Variants in B3GALT1 observed in about 807,000 individuals in gnomAD.
The protein encoded by B3GALT1 is beta-1,3-galactosyltransferase 1.
Under a neutral mutation model 23.2 loss-of-function variants are expected in B3GALT1, and 10 were observed. The ratio of observed to expected loss-of-function variants is 0.43; its 90% confidence interval spans 0.27 to 0.73. The LOEUF (loss-of-function observed/expected upper bound fraction) is 0.73. B3GALT1 is among the 30% of genes least tolerant of loss of function. The probability of loss-of-function intolerance (pLI) is 0.21; values close to 1 mark genes in which losing one functional copy is unlikely to be tolerated. For missense variants in B3GALT1, 299 were observed against 405.4 expected (o/e 0.74, Z 2.25); for synonymous variants, 156 against 141.5 (o/e 1.10, Z -0.73).
At chr2:167,321,747 A>C (rs528614714) in intron 1 of B3GALT1, among the ~76,000 whole-genome samples, 1 of 152,124 alleles carries the variant, frequency 6.6e-6, no homozygotes, top group East Asian at 1.9e-4. Context: ...TAACAAAACC[A>C]AAAGTGACTC....
chr2:167,672,588 T>C (rs1686351265), intron 3 of B3GALT1, among the ~76,000 whole-genome samples: 1 of 152,156 alleles, frequency 6.6e-6, no homozygotes, highest in Non-Finnish European at 1.5e-5. Context: ...GCCATGTACT[T>C]GTGCAACTTT....
intron 1 of B3GALT1, among the ~76,000 whole-genome samples, chr2:167,320,997 A>G (rs1241240937): frequency 6.6e-6 from 1 of 152,098 alleles, no homozygotes; most frequent in African/African-American, 2.4e-5. Flanking sequence ...GCAGAAAGGA[A>G]ATCATTCAGA....
intron 3 of B3GALT1, among the ~76,000 whole-genome samples, chr2:167,727,879 T>C (rs1465637578): frequency 6.6e-6 from 1 of 152,228 alleles, no homozygotes; most frequent in African/African-American, 2.4e-5. Flanking sequence ...GGATGAAAGT[T>C]AAACAGCTTG....
chr2:167,341,614 A>G (rs553218688), intron 1 of B3GALT1, among the ~76,000 whole-genome samples: 2 of 151,772 alleles, frequency 1.3e-5, no homozygotes, highest in South Asian at 4.2e-4. Flanking sequence ...GTGAGCCGAG[A>G]TCACACCACT....
intron 2 of B3GALT1, among the ~76,000 whole-genome samples, chr2:167,598,475 T>C (rs558900801): frequency 6.6e-6 from 1 of 152,292 alleles, no homozygotes; most frequent in East Asian, 1.9e-4. Context: ...CTGTGCAGAA[T>C]TTAAGTTTTG....
chr2:167,812,049 A>G (rs1056415363), intron 3 of B3GALT1, among the ~76,000 whole-genome samples: 4 of 152,228 alleles, frequency 2.6e-5, no homozygotes, highest in African/African-American at 9.6e-5. Context: ...TTCTAAAAAG[A>G]CTGATCTAGA....
intron 1 of B3GALT1, among the ~76,000 whole-genome samples, chr2:167,471,857 G>A (rs1699422116): frequency 6.6e-6 from 1 of 152,224 alleles, no homozygotes; most frequent in South Asian, 2.1e-4. Flanking sequence ...TGCTACCTAA[G>A]ACAATCAGTG....
intron 2 of B3GALT1, among the ~76,000 whole-genome samples, chr2:167,553,266 A>G (rs1046008646): frequency 1.3e-5 from 2 of 152,228 alleles, no homozygotes; most frequent in African/African-American, 4.8e-5. Flanking sequence ...AGGCTTAAAC[A>G]TGAATAAATA....
Position 167,812,867 on chromosome 2 carries a change from C to CA in B3GALT1, c.-351-5799dup, listed in dbSNP as rs558366072. Among the ~76,000 whole-genome samples the CA allele has an allele frequency of 2.3e-3, 354 of 151,818 alleles. 3 individuals are homozygous for CA. The highest frequency in any genetic ancestry group is 7.8e-3 in the African/African-American group (322 of 41,396). On this transcript the variant is annotated intron_variant, in intron 3 of 4. Transcript: ENST00000392690. ...GTAACTGGGTTTATATTTTACAGTC[C>CA]AAAAAACGGAAGCTTTGCTCTTAAT... is the stretch of plus-strand genomic sequence containing the variant.
At chr2:167,683,256 G>A (rs1248365356) in intron 3 of B3GALT1, among the ~76,000 whole-genome samples, 2 of 152,108 alleles carry the variant, frequency 1.3e-5, no homozygotes, top group African/African-American at 4.8e-5. Context: ...TATATTACAG[G>A]GTGGCAGTAG....
chr2:167,788,040 C>T lies in B3GALT1; in HGVS notation c.-351-30632C>T, dbSNP rs998560039. ...AGACTTTTTCCTGGCCCTGGTGGAG[C>T]CAGAAGTGGCACAGAGAGTAGGGTA... is the stretch of plus-strand genomic sequence containing the variant. On this transcript the variant is annotated intron_variant, in intron 3 of 4. Transcript: ENST00000392690. 6.6e-5 allele frequency among the ~76,000 whole-genome samples: 10 copies of T among 152,122 alleles called. No homozygotes were observed. In the South Asian group the frequency reaches 1.2e-3, roughly 19 times the overall value.
intron 3 of B3GALT1, among the ~76,000 whole-genome samples, chr2:167,817,290 T>C (rs1689014024): frequency 6.6e-6 from 1 of 152,210 alleles, no homozygotes; most frequent in Non-Finnish European, 1.5e-5. Context: ...TGATGACAGA[T>C]AATACGTATA....
At chr2:167,494,117 A>G (rs1699745911) in intron 2 of B3GALT1, among the ~76,000 whole-genome samples, 1 of 152,154 alleles carries the variant, frequency 6.6e-6, no homozygotes, top group South Asian at 2.1e-4. Context: ...TTGATTGCAG[A>G]TTGTCCTAAG....
At chr2:167,536,750 A>G (rs1191075230) in intron 2 of B3GALT1, among the ~76,000 whole-genome samples, 1 of 152,152 alleles carries the variant, frequency 6.6e-6, no homozygotes, top group Non-Finnish European at 1.5e-5. Flanking sequence ...TGAAGGAACC[A>G]ATGTACCCAG....
At chr2:167,517,573 A>T (rs1200924238) in intron 2 of B3GALT1, among the ~76,000 whole-genome samples, 1 of 151,864 alleles carries the variant, frequency 6.6e-6, no homozygotes, top group African/African-American at 2.4e-5. Flanking sequence ...TTTTTCATTG[A>T]TTACCATTAG....
chr2:167,483,312 A>T (rs1267941574), intron 1 of B3GALT1, among the ~76,000 whole-genome samples: 1 of 152,118 alleles, frequency 6.6e-6, no homozygotes, highest in Non-Finnish European at 1.5e-5. Context: ...AACAACAAAA[A>T]CAACAAAAAC....
At chr2:167,378,148 C>G (rs755289460) in intron 1 of B3GALT1, among the ~76,000 whole-genome samples, 1 of 152,150 alleles carries the variant, frequency 6.6e-6, no homozygotes, top group Non-Finnish European at 1.5e-5. Flanking sequence ...GAAAATAGGT[C>G]CTTGATCTCT....
intron 1 of B3GALT1, among the ~76,000 whole-genome samples, chr2:167,346,829 C>G (rs1019166168): frequency 6.6e-6 from 1 of 151,532 alleles, no homozygotes; most frequent in Non-Finnish European, 1.5e-5. Context: ...GGGTCCTCGT[C>G]TGAACGAATC....
At chr2:167,385,864 G>A (rs1414538766) in intron 1 of B3GALT1, among the ~76,000 whole-genome samples, 6 of 151,974 alleles carry the variant, frequency 3.9e-5, no homozygotes, top group Non-Finnish European at 8.8e-5. Flanking sequence ...GGATTAAAAG[G>A]GTTCTATCAA....
Sources: allele counts gnomAD v4.1 joint callset (sites outside exome capture counted in the v4.1 genomes callset), GRCh38; gene constraint gnomAD v4.1.1; transcripts MANE v1.5; gene names NCBI Gene and HGNC (gene_info 2026-07-23, HGNC 2026-07-21).